LOC128706665: variants seen among roughly 807,000 people sequenced by gnomAD.
At chr20:10,432,770 A>G in the LOC128706665 span, among the ~76,000 whole-genome samples, 8,362 of 133,610 alleles carry the variant, frequency 0.063, 302 homozygotes, top group East Asian at 0.19. Context: ...AGCCTGCGCG[A>G]CAGAGCGAGA....
At chr20:10,421,565 G>A in the LOC128706665 span, among the ~76,000 whole-genome samples, 2 of 152,092 alleles carry the variant, frequency 1.3e-5, no homozygotes, top group African/African-American at 2.4e-5. Context: ...GCTGAACATG[G>A]ATTCCAATTG....
the LOC128706665 span, among the ~76,000 whole-genome samples, chr20:10,425,635 T>C: frequency 6.6e-6 from 1 of 152,238 alleles, no homozygotes; most frequent in African/African-American, 2.4e-5. Flanking sequence ...CCAAGAGGCA[T>C]GGACTGTCTT....
At chr20:10,419,107 T>G in the LOC128706665 span, among the ~76,000 whole-genome samples, 19 of 152,264 alleles carry the variant, frequency 1.2e-4, no homozygotes, top group Admixed American at 1.2e-3. Flanking sequence ...AGTCAAAATC[T>G]CAGACCAAGG....
At chr20:10,418,221 A>C in the LOC128706665 span, among the ~76,000 whole-genome samples, 1 of 152,240 alleles carries the variant, frequency 6.6e-6, no homozygotes, top group Non-Finnish European at 1.5e-5. Context: ...AGTTCAAAAA[A>C]CAGAGGAAAA....
At chr20:10,416,705 T>C in the LOC128706665 span, among the ~76,000 whole-genome samples, 1 of 152,282 alleles carries the variant, frequency 6.6e-6, no homozygotes, top group African/African-American at 2.4e-5. Flanking sequence ...AGCTAATAAA[T>C]GGAGAAGGAA....
At chr20:10,434,117 A>T in the LOC128706665 span, 1 of 150,940 alleles carries the variant, frequency 6.6e-6, no homozygotes, top group African/African-American at 2.4e-5. Flanking sequence ...CCTGCGCACC[A>T]GCCGTCGCGC....
the LOC128706665 span, among the ~76,000 whole-genome samples, chr20:10,432,789 C>CAAAAAAAAA: frequency 1.6e-4 from 12 of 74,580 alleles, no homozygotes; most frequent in Non-Finnish European, 2.2e-4. Flanking sequence ...GACTCTTTGT[C>CAAAAAAAAA]AAAAAAAAAA....
At chr20:10,423,149 G>C in the LOC128706665 span, among the ~76,000 whole-genome samples, 2 of 152,262 alleles carry the variant, frequency 1.3e-5, no homozygotes, top group Non-Finnish European at 1.5e-5. Context: ...TATAAAAAGA[G>C]ATTAGGGCCA....
At chr20:10,423,999 G>C in the LOC128706665 span, among the ~76,000 whole-genome samples, 1 of 152,134 alleles carries the variant, frequency 6.6e-6, no homozygotes, top group African/African-American at 2.4e-5. Context: ...GGGGGTGAGA[G>C]AGCAAGTAAC....
the LOC128706665 span, among the ~76,000 whole-genome samples, chr20:10,432,789 CAA>C: frequency 1.1e-3 from 81 of 74,578 alleles, no homozygotes; most frequent in African/African-American, 2.2e-3. Flanking sequence ...GACTCTTTGT[CAA>C]AAAAAAAAAA....
At chr20:10,419,570 G>A in the LOC128706665 span, among the ~76,000 whole-genome samples, 4 of 152,054 alleles carry the variant, frequency 2.6e-5, no homozygotes, top group African/African-American at 9.7e-5. Context: ...TATATACTAT[G>A]TTTTCTTCTT....
At chr20:10,415,530 T>A in the LOC128706665 span, among the ~76,000 whole-genome samples, 1 of 152,202 alleles carries the variant, frequency 6.6e-6, no homozygotes, top group Non-Finnish European at 1.5e-5. Flanking sequence ...AACTTTTGTA[T>A]GGCATGAGGA....
At chr20:10,421,467 C>A in the LOC128706665 span, among the ~76,000 whole-genome samples, 1 of 149,758 alleles carries the variant, frequency 6.7e-6, no homozygotes, top group South Asian at 2.1e-4. Flanking sequence ...ACAGAAGAAT[C>A]AAACGGTAAT....
the LOC128706665 span, among the ~76,000 whole-genome samples, chr20:10,421,557 T>C: frequency 3.1e-3 from 473 of 152,270 alleles, 4 homozygotes; most frequent in African/African-American, 0.011. Flanking sequence ...TTGCAACAGC[T>C]GAACATGGAT....
the LOC128706665 span, among the ~76,000 whole-genome samples, chr20:10,422,806 G>C: frequency 6.6e-6 from 1 of 151,526 alleles, no homozygotes; most frequent in East Asian, 1.9e-4. Flanking sequence ...CCGCCTCCCA[G>C]GTTCACGCCA....
the LOC128706665 span, among the ~76,000 whole-genome samples, chr20:10,432,599 C>A: frequency 6.6e-6 from 1 of 152,008 alleles, no homozygotes; most frequent in Non-Finnish European, 1.5e-5. Context: ...TCAAGACCAG[C>A]CTGGCCAACA....
the LOC128706665 span, among the ~76,000 whole-genome samples, chr20:10,414,910 G>A: frequency 2.0e-5 from 3 of 152,076 alleles, no homozygotes; most frequent in East Asian, 3.9e-4. Flanking sequence ...CCTAGTCAAC[G>A]AATCCTCCCC....
At chr20:10,428,701 G>A in the LOC128706665 span, among the ~76,000 whole-genome samples, 4 of 152,150 alleles carry the variant, frequency 2.6e-5, no homozygotes, top group African/African-American at 9.7e-5. Flanking sequence ...TTAGCTGGAT[G>A]TGGTGGGTGC....
the LOC128706665 span, among the ~76,000 whole-genome samples, chr20:10,417,844 T>C: frequency 2.7e-5 from 4 of 150,730 alleles, no homozygotes; most frequent in East Asian, 2.0e-4. Flanking sequence ...TTACAGGAAA[T>C]AGGGGAGAGA....
Sources: allele counts gnomAD v4.1 joint callset (sites outside exome capture counted in the v4.1 genomes callset), GRCh38; gene constraint gnomAD v4.1.1; transcripts MANE v1.5.